Variants in MTFR1 observed in about 807,000 individuals in gnomAD.
The protein encoded by MTFR1 is chondrocyte protein with a poly-proline region.
Under a neutral mutation model 38.8 loss-of-function variants are expected in MTFR1, and 28 were observed. The ratio of observed to expected loss-of-function variants is 0.72; its 90% CI spans 0.53 to 0.99. The LOEUF is 0.99. Ranked by LOEUF, MTFR1 falls within the 50% of genes least tolerant of loss-of-function variation. The pLI is 0.00. For synonymous variants in MTFR1, 145 were observed against 137.0 expected (o/e 1.06, Z -0.41); for missense variants, 358 against 395.5 (o/e 0.91, Z 0.81).
rs567392881 is a variant in MTFR1 at position 65,736,936 on chromosome 8, G to T, written c.*48+17455G>T. ...CTCGCCCTGCTGCCCAGGCTGGAGTGCAGTAGCGTGATCTTGGCTCACTGC... is the reference window on the plus strand; with the variant it reads ...CTCGCCCTGCTGCCCAGGCTGGAGTTCAGTAGCGTGATCTTGGCTCACTGC... On this transcript the variant is annotated intron_variant, in intron 3 of 3. Coordinates refer to the MTFR1 transcript ENST00000521247. Among the ~76,000 whole-genome samples the T allele has an allele frequency of 9.4e-5, 14 of 148,950 alleles. No homozygotes were observed. The South Asian group carries it at 3.0e-3, about 32-fold the overall frequency.
intron 1 of MTFR1, among the ~76,000 whole-genome samples, chr8:65,661,389 G>C (rs1809409942): frequency 6.6e-6 from 1 of 152,182 alleles, no homozygotes; most frequent in Non-Finnish European, 1.5e-5. Context: ...TGTAACCCCA[G>C]CACTTTGGGA....
At chr8:65,671,394 G>T (rs1804565208) in intron 2 of MTFR1, among the ~76,000 whole-genome samples, 1 of 152,016 alleles carries the variant, frequency 6.6e-6, no homozygotes, top group African/African-American at 2.4e-5. Flanking sequence ...ATTTAGCTGG[G>T]CATGGTGACA....
At chr8:65,690,638 A>AT (rs1043923758) in intron 3 of MTFR1, among the ~76,000 whole-genome samples, 8 of 152,112 alleles carry the variant, frequency 5.3e-5, no homozygotes, top group African/African-American at 1.9e-4. Flanking sequence ...GAAAACAGCT[A>AT]TTTTTGTAAC....
At chr8:65,678,170 A>C (rs543904093) in intron 2 of MTFR1, among the ~76,000 whole-genome samples, 1 of 152,246 alleles carries the variant, frequency 6.6e-6, no homozygotes, top group African/African-American at 2.4e-5. Flanking sequence ...TTCAGCCACA[A>C]GTTACGGTAG....
chr8:65,671,540 TAAAAA>T (rs34214439), intron 2 of MTFR1, among the ~76,000 whole-genome samples: 142 of 124,618 alleles, frequency 1.1e-3, no homozygotes, highest in Admixed American at 1.4e-3. Flanking sequence ...ACCCTATCTT[TAAAAA>T]AAAAAAAAAA....
chr8:65,771,487 G>C (rs570303745), downstream of MTFR1, among the ~76,000 whole-genome samples: 1 of 151,936 alleles, frequency 6.6e-6, no homozygotes, highest in South Asian at 2.1e-4. Context: ...TGTTGATATC[G>C]ATCTCCCTCT....
chr8:65,747,865 C>A, intron 3 of MTFR1: 1 of 1,004,180 alleles, frequency 1.0e-6, no homozygotes, highest in Non-Finnish European at 1.5e-6. Flanking sequence ...GCTATCTTTG[C>A]AATACCACTT....
At chr8:65,667,530 C>T (rs556501841) in intron 1 of MTFR1, among the ~76,000 whole-genome samples, 6 of 151,864 alleles carry the variant, frequency 4.0e-5, no homozygotes, top group Non-Finnish European at 5.9e-5. Context: ...CGGGTTCAAG[C>T]GATTTTCCTG....
chr8:65,775,604 C>T (rs572761213), downstream of MTFR1, among the ~76,000 whole-genome samples: 20 of 152,282 alleles, frequency 1.3e-4, no homozygotes, highest in Non-Finnish European at 2.4e-4. Context: ...AGTGATCCTA[C>T]GTCCTCTGTC....
intron 3 of MTFR1, among the ~76,000 whole-genome samples, chr8:65,767,558 C>G (rs766825527): frequency 8.5e-5 from 13 of 152,148 alleles, no homozygotes; most frequent in Non-Finnish European, 1.6e-4. Flanking sequence ...CTTCCCTGGC[C>G]TTTCTGACTG....
chr8:65,697,486 C>T (rs1278549767), intron 4 of MTFR1, among the ~76,000 whole-genome samples: 1 of 152,198 alleles, frequency 6.6e-6, no homozygotes, highest in Non-Finnish European at 1.5e-5. Flanking sequence ...CAGTAGTAGT[C>T]ATTGGTATGG....
intron 3 of MTFR1, among the ~76,000 whole-genome samples, chr8:65,684,689 C>T (rs1805017851): frequency 6.6e-6 from 1 of 151,868 alleles, no homozygotes; most frequent in South Asian, 2.1e-4. Flanking sequence ...CTGGCCCATA[C>T]TGAGTCTTTT....
chr8:65,670,465 T>C (rs1048402912), intron 2 of MTFR1, among the ~76,000 whole-genome samples: 1 of 152,204 alleles, frequency 6.6e-6, no homozygotes. Context: ...AAAAAGTTAC[T>C]ATAATGATTG....
At chr8:65,668,346 T>A (rs1319227505) in intron 1 of MTFR1, among the ~76,000 whole-genome samples, 1 of 9,476 alleles carries the variant, frequency 1.1e-4, no homozygotes, top group Non-Finnish European at 5.2e-4. Flanking sequence ...CCCAGCTAAT[T>A]TTTTTTTTTT....
chr8:65,746,643 T>C (rs1807689716), intron 3 of MTFR1, among the ~76,000 whole-genome samples: 2 of 152,196 alleles, frequency 1.3e-5, no homozygotes, highest in Admixed American at 6.5e-5. Context: ...GTTGTATACA[T>C]TTATGAATAC....
At chr8:65,711,500 C>CAGAT (rs147707139), downstream of MTFR1, among the ~76,000 whole-genome samples, 6,341 of 152,248 alleles carry the variant, frequency 0.042, 190 homozygotes, top group Non-Finnish European at 0.063. Flanking sequence ...CTGGGATTGC[C>CAGAT]AGATAGATAG....
At chr8:65,770,468 T>G (rs908922447) in intron 3 of MTFR1, among the ~76,000 whole-genome samples, 1 of 152,062 alleles carries the variant, frequency 6.6e-6, no homozygotes, top group African/African-American at 2.4e-5. Flanking sequence ...ACGAGAACAG[T>G]ATGGGGGAGA....
At chr8:65,653,819 A>G (rs776941555) in intron 1 of MTFR1, among the ~76,000 whole-genome samples, 4 of 152,104 alleles carry the variant, frequency 2.6e-5, no homozygotes, top group Non-Finnish European at 2.9e-5. Flanking sequence ...AATCCCAGCA[A>G]TTTGGGAGGC....
intron 3 of MTFR1, among the ~76,000 whole-genome samples, chr8:65,720,855 C>A (rs1806346176): frequency 6.6e-6 from 1 of 152,214 alleles, no homozygotes. Context: ...GCCAGCCACC[C>A]AAAGCCCTGT....
Sources: allele counts gnomAD v4.1 joint callset (sites outside exome capture counted in the v4.1 genomes callset), GRCh38; gene constraint gnomAD v4.1.1; transcripts MANE v1.5; gene names NCBI Gene and HGNC (gene_info 2026-07-23, HGNC 2026-07-21).